LMTK2: variants seen among roughly 807,000 people sequenced by gnomAD.
The protein encoded by LMTK2 is serine/threonine-protein kinase LMTK2.
A neutral mutation model predicts 127.5 loss-of-function variants in LMTK2; 37 were observed. The observed-to-expected ratio is 0.29, with a 90% CI of 0.22 to 0.38. The LOEUF (loss-of-function observed/expected upper bound fraction) is 0.38. Among genes scored for constraint, LMTK2 ranks in the 10% least tolerant of loss-of-function variants. The probability of loss-of-function intolerance (pLI) is 1.00; values close to 1 mark genes in which losing one functional copy is unlikely to be tolerated. For missense variants in LMTK2, 1,694 were observed against 1,920.3 expected, an observed-to-expected ratio of 0.88 and a Z score of 2.20; for synonymous variants, 819 against 810.1, an observed-to-expected ratio of 1.01 and a Z score of -0.19.
chr7:98,118,174 T>G (rs1796313877), intron 1 of LMTK2, among the ~76,000 whole-genome samples: 1 of 152,188 alleles, frequency 6.6e-6, no homozygotes, highest in Non-Finnish European at 1.5e-5. Flanking sequence ...CTTAAACTAT[T>G]AAATACCACC....
rs569856230 is a variant in LMTK2 at position 98,193,295 on chromosome 7, T to C, written c.2830T>C (p.Leu944=). 1.2e-6 allele frequency: 2 copies of C among 1,613,902 alleles called. No homozygotes were observed. Among genetic ancestry groups the C allele is most frequent in the South Asian group, 1.1e-5 (1 of 91,084 alleles). ...HHSHRRLEKN[L]EAVETLNQLN... ...CAGTCATCGCCGGCTAGAGAAAAAC[T>C]TAGAGGCTGTGGAGACTTTAAATCA... The change falls in exon 11 of 14, where the codon TTA becomes CTA. Residue 944 remains leucine (L), a synonymous_variant. Transcript: ENST00000297293. The surrounding 1 kb of genome is among the most constrained non-coding windows in gnomAD (Gnocchi z 4.1).
intron 1 of LMTK2, among the ~76,000 whole-genome samples, chr7:98,119,810 C>G (rs1439445473): frequency 2.0e-5 from 3 of 152,164 alleles, no homozygotes; most frequent in Admixed American, 6.5e-5. Flanking sequence ...ACCCCTGATT[C>G]GTAATCTATA....
At chr7:98,195,728 C>A (rs1797614114) in intron 11 of LMTK2, among the ~76,000 whole-genome samples, 1 of 152,200 alleles carries the variant, frequency 6.6e-6, no homozygotes, top group Non-Finnish European at 1.5e-5. Context: ...ATGGCGGGTC[C>A]AAGCACTGTT....
intron 11 of LMTK2, among the ~76,000 whole-genome samples, chr7:98,197,470 AGT>A (rs1199018464): frequency 6.6e-6 from 1 of 152,214 alleles, no homozygotes; most frequent in Non-Finnish European, 1.5e-5. Context: ...CTCAGTGCAC[AGT>A]GTTCTTGAGA....
intron 13 of LMTK2, 48 bp from the exon 14 acceptor site, chr7:98,205,416 C>A: frequency 6.2e-7 from 1 of 1,612,238 alleles, no homozygotes. Context: ...CCTGTCTGAT[C>A]ATTTTAAAAA....
At chr7:98,143,977 C>T (rs1476526255) in intron 3 of LMTK2, among the ~76,000 whole-genome samples, 4 of 152,084 alleles carry the variant, frequency 2.6e-5, no homozygotes, top group South Asian at 2.1e-4. Context: ...TATTTGACTA[C>T]GAAAGATATT....
intron 1 of LMTK2, among the ~76,000 whole-genome samples, chr7:98,117,754 G>A (rs1471034506): frequency 6.6e-6 from 1 of 152,052 alleles, no homozygotes; most frequent in Non-Finnish European, 1.5e-5. Context: ...ATCACTTGAG[G>A]TCAGGAGTTC....
intron 1 of LMTK2, among the ~76,000 whole-genome samples, chr7:98,124,407 G>A (rs1315799205): frequency 6.6e-6 from 1 of 152,192 alleles, no homozygotes; most frequent in Non-Finnish European, 1.5e-5. Context: ...CAGCACTTTG[G>A]GAGGCCAAGG....
At chr7:98,157,122 C>T (rs1014897101) in intron 5 of LMTK2, among the ~76,000 whole-genome samples, 2 of 151,932 alleles carry the variant, frequency 1.3e-5, no homozygotes, top group Admixed American at 6.6e-5. Context: ...GGTGGCATCA[C>T]GCACCTGTAG....
rs1306752774 is a variant in LMTK2, at chr7:98,192,859, C to T, written c.2394C>T (p.Leu798=). The part of the protein sequence containing the change: ...STKGDDTDVM[L]TGDTLSTSLQ... ...AGGGTGACGATACAGATGTCATGCT[C>T]ACAGGTGACACTTTGAGCACCTCAT... Residue 798 remains leucine (L), a synonymous_variant, in exon 11 of 14, where the codon CTC becomes CTT. Transcript: ENST00000297293. 5.0e-6 allele frequency: 8 copies of T among 1,613,990 alleles called. No homozygotes were observed. Among genetic ancestry groups the T allele is most frequent in the African/African-American group, 1.3e-5 (1 of 74,928 alleles).
chr7:98,186,976 C>G lies in LMTK2; in HGVS notation c.976C>G (p.Gln326Glu). 1 of 1,613,738 alleles carries G rather than the reference C, an allele frequency of 6.2e-7. No homozygotes were observed. The highest frequency in any genetic ancestry group is 2.2e-5 in the East Asian group (1 of 44,868). Residue 326 changes from glutamine (Q) to glutamate (E), a missense_variant, in exon 9 of 14, where the codon CAG becomes GAG. Around this residue, in one of 8 missense-constraint regions of LMTK2, gnomAD observed 47 missense variants for 95.4 expected, o/e 0.49. Coordinates refer to ENST00000297293, the MANE Select transcript of LMTK2 (RefSeq NM_014916.4). ...SFQDRLLTADQTKYSNIWSLG... is the reference protein window; with the variant it reads ...SFQDRLLTADETKYSNIWSLG... ...TCAAGACAGACTGCTAACTGCAGAT[C>G]AGACTAAGTATAGTAATATCTGGTA...
chr7:98,195,380 C>T (rs1372040400), intron 11 of LMTK2, among the ~76,000 whole-genome samples: 2 of 152,152 alleles, frequency 1.3e-5, no homozygotes, highest in Non-Finnish European at 2.9e-5. Context: ...GTCCTCTTTC[C>T]CTGCTTTGGA....
chr7:98,149,395 T>G (rs1259237456), intron 3 of LMTK2, among the ~76,000 whole-genome samples: 1 of 152,204 alleles, frequency 6.6e-6, no homozygotes, highest in Non-Finnish European at 1.5e-5. Flanking sequence ...CTAGAGTTTT[T>G]ATAAGGTTGA....
At chr7:98,121,100 A>G (rs1796354362) in intron 1 of LMTK2, among the ~76,000 whole-genome samples, 1 of 152,162 alleles carries the variant, frequency 6.6e-6, no homozygotes, top group Admixed American at 6.5e-5. Flanking sequence ...AGTTAGGGGC[A>G]GGTCCGATTC....
At chr7:98,122,459 A>G (rs946269764) in intron 1 of LMTK2, among the ~76,000 whole-genome samples, 2 of 152,226 alleles carry the variant, frequency 1.3e-5, no homozygotes, top group East Asian at 3.9e-4. Context: ...AGAGTCACGG[A>G]CAGGTATTTT....
chr7:98,174,538 G>A (rs372054601), intron 7 of LMTK2, among the ~76,000 whole-genome samples: 9 of 152,344 alleles, frequency 5.9e-5, no homozygotes, highest in African/African-American at 2.2e-4. Context: ...CTGCCTGCCA[G>A]TCTCCTGAGC....
At chr7:98,178,878 T>G (rs980108855) in intron 7 of LMTK2, among the ~76,000 whole-genome samples, 1 of 152,238 alleles carries the variant, frequency 6.6e-6, no homozygotes, top group Admixed American at 6.5e-5. Context: ...GTGAGGAAAC[T>G]GAGGCTCCTC....
chr7:98,178,535 C>T (rs116326789), intron 7 of LMTK2, among the ~76,000 whole-genome samples: 2,161 of 152,274 alleles, frequency 0.014, 48 homozygotes, highest in African/African-American at 0.049. Context: ...GAGAGCCGGG[C>T]GGGGCTGGTG....
At chr7:98,159,679 A>G (rs1291134704) in intron 6 of LMTK2, among the ~76,000 whole-genome samples, 1 of 152,202 alleles carries the variant, frequency 6.6e-6, no homozygotes, top group Non-Finnish European at 1.5e-5. Context: ...CAAACTCCAG[A>G]GTTAGGTACC....
Sources: gnomAD v4.1 joint callset for allele counts (sites outside exome capture counted in the v4.1 genomes callset) on GRCh38, gnomAD v4.1.1 for gene constraint, gnomAD v4.1.1 regional missense constraint, Gnocchi (gnomAD v3.1) non-coding constraint, MANE v1.5 for transcripts, NCBI Gene and HGNC (gene_info 2026-07-23, HGNC 2026-07-21) for gene names.